Variants in CNTNAP5 observed in about 807,000 individuals in gnomAD.
The protein encoded by CNTNAP5 is contactin-associated protein-like 5.
Under a neutral mutation model 150.2 loss-of-function variants are expected in CNTNAP5, and 72 were observed. The observed-to-expected ratio is 0.48, with a 90% CI of 0.40 to 0.58. The LOEUF (loss-of-function observed/expected upper bound fraction) is 0.58. Among genes scored for constraint, CNTNAP5 ranks in the 20% least tolerant of loss-of-function variants. The probability of loss-of-function intolerance (pLI) is 0.00; values close to 1 mark genes in which losing one functional copy is unlikely to be tolerated. For missense variants in CNTNAP5, 1,636 were observed against 1,626.2 expected, an observed-to-expected ratio of 1.01 and a Z score of -0.10; for synonymous variants, 672 against 619.8, an observed-to-expected ratio of 1.08 and a Z score of -1.25.
intron 22 of CNTNAP5, among the ~76,000 whole-genome samples, chr2:124,911,263 A>T (rs182781592): frequency 3.3e-5 from 5 of 152,092 alleles, no homozygotes; most frequent in Admixed American, 3.3e-4. Flanking sequence ...AAACAGGGCC[A>T]TTGAACTATG....
intron 17 of CNTNAP5, among the ~76,000 whole-genome samples, chr2:124,775,243 C>T (rs1166002217): frequency 6.6e-6 from 1 of 152,052 alleles, no homozygotes; most frequent in African/African-American, 2.4e-5. Flanking sequence ...TTGCACAATT[C>T]AGTTGTTCAA....
intron 3 of CNTNAP5, among the ~76,000 whole-genome samples, chr2:124,309,552 T>TAAATAAA (rs1328627445): frequency 1.3e-5 from 2 of 152,208 alleles, no homozygotes; most frequent in Non-Finnish European, 2.9e-5. Flanking sequence ...AGGTAGATAA[T>TAAATAAA]TTCCCAACTT....
At chr2:124,889,271 TG>T (rs2104746294) in intron 21 of CNTNAP5, among the ~76,000 whole-genome samples, 1 of 151,920 alleles carries the variant, frequency 6.6e-6, no homozygotes, top group Admixed American at 6.6e-5. Flanking sequence ...GGCTAATTTT[TG>T]TATTTGTAGT....
rs187281555 is a variant in CNTNAP5, at chr2:124,357,199, G to T, written c.382-60244G>T. On this transcript the variant is annotated intron_variant, in intron 3 of 23. Transcript: ENST00000682447. Reference sequence around the variant, plus strand: ...TTGTTTGAGTTCATTGTAGATTCTGGATATTAACCCTTTGCCAGACGAGTA... The same window carrying T: ...TTGTTTGAGTTCATTGTAGATTCTGTATATTAACCCTTTGCCAGACGAGTA... Among the ~76,000 whole-genome samples the T allele has an allele frequency of 2.6e-5, 4 of 152,276 alleles. No homozygotes were observed. The East Asian group carries it at 7.7e-4, about 29-fold the overall frequency.
intron 11 of CNTNAP5, among the ~76,000 whole-genome samples, chr2:124,590,029 A>G (rs901735772): frequency 6.6e-6 from 1 of 151,942 alleles, no homozygotes; most frequent in Admixed American, 6.6e-5. Context: ...GTTAGTTACT[A>G]TGTTTCTCAT....
intron 4 of CNTNAP5, among the ~76,000 whole-genome samples, chr2:124,428,020 G>C (rs1474569059): frequency 1.3e-5 from 2 of 152,098 alleles, no homozygotes; most frequent in Admixed American, 1.3e-4. Flanking sequence ...AATGCTGCTG[G>C]TCCACAGGGT....
At chr2:124,492,623 G>C (rs1289133744) in intron 7 of CNTNAP5, among the ~76,000 whole-genome samples, 4 of 152,204 alleles carry the variant, frequency 2.6e-5, no homozygotes, top group Non-Finnish European at 5.9e-5. Context: ...ACTGCCATTG[G>C]AAATTTGATA....
chr2:124,511,168 T>C (rs1694580112), intron 8 of CNTNAP5, among the ~76,000 whole-genome samples: 1 of 152,154 alleles, frequency 6.6e-6, no homozygotes, highest in African/African-American at 2.4e-5. Context: ...AAACAGGACA[T>C]TTCATAAAGG....
At chr2:124,300,691 G>A (rs1688551451) in intron 3 of CNTNAP5, among the ~76,000 whole-genome samples, 1 of 152,226 alleles carries the variant, frequency 6.6e-6, no homozygotes, top group South Asian at 2.1e-4. Flanking sequence ...TTTAAGCAAA[G>A]TAGGGCCAGG....
intron 1 of CNTNAP5, among the ~76,000 whole-genome samples, chr2:124,171,125 A>C (rs1350876924): frequency 6.6e-6 from 1 of 152,176 alleles, no homozygotes; most frequent in African/African-American, 2.4e-5. Context: ...TTGCTTTTTC[A>C]AAACAGGATA....
At chr2:124,774,281 A>G (rs898482515) in intron 17 of CNTNAP5, among the ~76,000 whole-genome samples, 13 of 152,088 alleles carry the variant, frequency 8.5e-5, no homozygotes, top group African/African-American at 1.9e-4. Context: ...CCAGCATTCA[A>G]TGGAAGTTTC....
chr2:124,219,630 G>T lies in CNTNAP5; in HGVS notation c.83-2075G>T, dbSNP rs901581741. Among the ~76,000 whole-genome samples the T allele has an allele frequency of 3.9e-5, 6 of 152,078 alleles. No homozygotes were observed. In the South Asian group the frequency reaches 1.0e-3, roughly 26 times the overall value. ...TGTGTGGTTTGTATTTTTCTATGGG[G>T]CTCACTTTTTTTCCACATTCATCTG... On this transcript the variant is annotated intron_variant, in intron 1 of 23. Transcript: ENST00000682447.
chr2:124,153,864 C>T (rs1348452069), intron 1 of CNTNAP5, among the ~76,000 whole-genome samples: 2 of 151,976 alleles, frequency 1.3e-5, no homozygotes, highest in East Asian at 1.9e-4. Flanking sequence ...CCACCCGCCT[C>T]GGCCTCCAAA....
rs1003654990 is a variant in CNTNAP5, at chr2:124,887,824, G to A, written c.3437-15058G>A. On this transcript the variant is annotated intron_variant, in intron 21 of 23. Transcript: ENST00000682447. ...CCAGGCCCTGTAAAGTCAGGCAGTGGAGGTGGAATGGGACAGACAGGCGAG... is the reference window on the plus strand; with the variant it reads ...CCAGGCCCTGTAAAGTCAGGCAGTGAAGGTGGAATGGGACAGACAGGCGAG... 2.0e-5 allele frequency among the ~76,000 whole-genome samples: 3 copies of A among 152,106 alleles called. No homozygotes were observed. The South Asian group carries it at 6.2e-4, about 31-fold the overall frequency.
intron 3 of CNTNAP5, among the ~76,000 whole-genome samples, chr2:124,379,719 C>A (rs1328916816): frequency 6.6e-6 from 1 of 152,078 alleles, no homozygotes; most frequent in African/African-American, 2.4e-5. Flanking sequence ...CTGGCAGCGC[C>A]CTCACAAGGG....
intron 19 of CNTNAP5, among the ~76,000 whole-genome samples, chr2:124,855,462 T>A (rs1677351754): frequency 6.6e-6 from 1 of 152,118 alleles, no homozygotes; most frequent in Admixed American, 6.6e-5. Flanking sequence ...CATGAGCCAT[T>A]GTGCCCAGCC....
intron 13 of CNTNAP5, among the ~76,000 whole-genome samples, chr2:124,713,565 AG>A (rs1390983140): frequency 2.0e-5 from 3 of 151,600 alleles, no homozygotes; most frequent in East Asian, 3.9e-4. Context: ...TAGTAGAGAC[AG>A]GGTTTCACTA....
chr2:124,169,426 C>T (rs979462996), intron 1 of CNTNAP5, among the ~76,000 whole-genome samples: 6 of 152,160 alleles, frequency 3.9e-5, no homozygotes, highest in Non-Finnish European at 7.3e-5. Flanking sequence ...AAAGGAAAAA[C>T]GGTTCCTTCT....
At position 124,914,276 on chromosome 2, in the gene CNTNAP5, A is replaced by C; in HGVS notation, c.3912A>C (p.Glu1304Asp). Residue 1304 changes from glutamate (E) to aspartate (D), a missense_variant, in exon 24 of 24, where the codon GAA becomes GAC. By Grantham distance (45) the Glu-to-Asp change is conservative (BLOSUM62 2). Transcript: ENST00000682447. ...ACACAGTGAGCGAGTGTAAACGGGAATATTTCATCTGAGAAACTGCAGGGT... is the reference window on the plus strand; with the variant it reads ...ACACAGTGAGCGAGTGTAAACGGGACTATTTCATCTGAGAAACTGCAGGGT... ...LQNTVSECKREYFI is the reference protein window; with the variant it reads ...LQNTVSECKRDYFI 6.2e-7 allele frequency: 1 copy of C among 1,610,498 alleles called. No individual in the cohort carries two copies. The highest frequency in any genetic ancestry group is 8.5e-7 in the Non-Finnish European group (1 of 1,177,646).
Sources: gnomAD v4.1 joint callset for allele counts (sites outside exome capture counted in the v4.1 genomes callset) on GRCh38, gnomAD v4.1.1 for gene constraint, MANE v1.5 for transcripts, NCBI Gene and HGNC (gene_info 2026-07-23, HGNC 2026-07-21) for gene names.